The following PIGZ variants were observed in gnomAD, a reference collection of about 807,000 sequenced individuals.
PIGZ encodes phosphatidylinositol glycan anchor biosynthesis class Z (Gwada blood group), also known as GPI alpha-1,2-mannosyltransferase 4.
In PIGZ, 16 loss-of-function variants were observed where a neutral mutation model predicts 16.4. The observed-to-expected ratio is 0.97, with a 90% CI of 0.66 to 1.48. The LOEUF (loss-of-function observed/expected upper bound fraction) is 1.48. Among genes scored for constraint, PIGZ ranks in the 40% most tolerant of loss-of-function variants. PIGZ has a pLI of 0.00. For synonymous variants in PIGZ, 409 were observed against 338.4 expected, an observed-to-expected ratio of 1.21 and a Z score of -2.29; for missense variants, 770 against 739.2, an observed-to-expected ratio of 1.04 and a Z score of -0.48.
At chr3:196,949,031 T>A (rs62411771) in intron 2 of PIGZ, among the ~76,000 whole-genome samples, 1 of 46,482 alleles carries the variant, frequency 2.2e-5, no homozygotes, top group Non-Finnish European at 3.7e-5. Context: ...CTTCCCTTCC[T>A]TCCCTTCCTT....
At chr3:196,952,254 G>C (rs1717318708) in intron 1 of PIGZ, among the ~76,000 whole-genome samples, 1 of 152,158 alleles carries the variant, frequency 6.6e-6, no homozygotes, top group Non-Finnish European at 1.5e-5. Flanking sequence ...TGTACAGATG[G>C]GGAAACGGAG....
chr3:196,964,967 ACTCCACTGCCCTG>A (rs1437161393), intron 1 of PIGZ, among the ~76,000 whole-genome samples: 2 of 151,486 alleles, frequency 1.3e-5, no homozygotes, highest in Admixed American at 6.6e-5. Context: ...GGTCTGTTTG[ACTCCACTGCCCTG>A]CTCCACTGCC....
intron 1 of PIGZ, among the ~76,000 whole-genome samples, chr3:196,967,016 C>A (rs760803406): frequency 6.6e-6 from 1 of 152,000 alleles, no homozygotes; most frequent in East Asian, 1.9e-4. Context: ...AGGGGCATCC[C>A]GCGCGCCTGT....
intron 1 of PIGZ, among the ~76,000 whole-genome samples, chr3:196,956,247 A>G (rs1052364538): frequency 6.6e-6 from 1 of 152,164 alleles, no homozygotes; most frequent in African/African-American, 2.4e-5. Context: ...GACATACCCG[A>G]AACTGGGTAA....
Position 196,947,253 on chromosome 3 carries a change from C to T in PIGZ, c.1644G>A (p.Leu548=), listed in dbSNP as rs1716922743. The change falls in exon 3 of 3, where the codon CTG becomes CTA. Residue 548 remains leucine, a synonymous_variant. Transcript: ENST00000412723. ...ACAGGGCTGGTGGATCCTCCAGGGT[C>T]AGATGGGGAAATAAAAGTGTTTCAT... ...FKNETLLFPH[L]TLEDPPALSS... The T allele has an allele frequency of 6.2e-7, 1 of 1,613,390 alleles. No homozygotes were observed. The highest frequency in any genetic ancestry group is 8.5e-7 in the Non-Finnish European group (1 of 1,179,640).
intron 1 of PIGZ, among the ~76,000 whole-genome samples, chr3:196,961,723 C>T (rs1387546242): frequency 1.3e-5 from 2 of 152,208 alleles, no homozygotes; most frequent in Non-Finnish European, 2.9e-5. Flanking sequence ...CCAGCCATCT[C>T]GTCCAGACAT....
rs1560183772 is a variant in PIGZ at position 196,951,882 on chromosome 3, G to T, written c.150C>A (p.Leu50=). The T allele has an allele frequency of 2.5e-6, 4 of 1,614,146 alleles. No individual in the cohort carries two copies. Among genetic ancestry groups the T allele is most frequent in the Non-Finnish European group, 3.4e-6 (4 of 1,180,030 alleles). ...GLSLLRVLWC[L]LPQTGYVHPD... ...GGTGCACATAGCCCGTCTGCGGAAG[G>T]AGACACCACAGCACTCGGAGCAGGC... Residue 50 remains leucine, a synonymous_variant, in exon 2 of 3, where the codon CTC becomes CTA. Transcript: ENST00000412723.
chr3:196,952,582 C>T (rs966551466), intron 1 of PIGZ, among the ~76,000 whole-genome samples: 1 of 152,152 alleles, frequency 6.6e-6, no homozygotes, highest in Non-Finnish European at 1.5e-5. Flanking sequence ...GGATTACAGG[C>T]ACACGCCACT....
rs1458606993 is a variant in PIGZ at position 196,948,221 on chromosome 3, T to C, written c.676A>G (p.Asn226Asp). ...GCAAAGGCCAGAAAGGTGGGCCGGTTGAAGAAGCCAGCAGCCACAATGCCT... is the reference window on the plus strand; with the variant it reads ...GCAAAGGCCAGAAAGGTGGGCCGGTCGAAGAAGCCAGCAGCCACAATGCCT... The part of the protein sequence containing the change: ...LGGIVAAGFF[N>D]RPTFLAFAVV... Residue 226 changes from asparagine to aspartate, a missense_variant, in exon 3 of 3, where the codon AAC becomes GAC. By Grantham distance (23) the Asn-to-Asp change is conservative. Transcript: ENST00000412723. 2 of 1,614,140 alleles carry C rather than the reference T, an allele frequency of 1.2e-6. No individual in the cohort carries two copies. Among genetic ancestry groups the C allele is most frequent in the South Asian group, 1.1e-5 (1 of 91,080 alleles).
At chr3:196,960,222 G>A (rs1717654888) in intron 1 of PIGZ, among the ~76,000 whole-genome samples, 1 of 152,134 alleles carries the variant, frequency 6.6e-6, no homozygotes, top group Admixed American at 6.6e-5. Flanking sequence ...CCAAATAGAG[G>A]TCATTTTTCA....
intron 1 of PIGZ, among the ~76,000 whole-genome samples, chr3:196,964,760 A>G (rs1717860884): frequency 6.6e-6 from 1 of 151,896 alleles, no homozygotes; most frequent in African/African-American, 2.4e-5. Context: ...TTTTTAAGAC[A>G]GGGTCTCACT....
Position 196,947,166 on chromosome 3 carries a change from T to C in PIGZ, c.1731A>G (p.Glu577=). The change falls in exon 3 of 3, where the codon GAA becomes GAG. Residue 577 remains glutamate (E), a synonymous_variant. Transcript: ENST00000412723. ...GTGCTCTGTCATATTGTCAGGTTTCTTCCCCCAGCTCCACAATGTGAAGAC... is the reference window on the plus strand; with the variant it reads ...GTGCTCTGTCATATTGTCAGGTTTCCTCCCCCAGCTCCACAATGTGAAGAC... The part of the protein sequence containing the change: ...HLSLHIVELG[E]ET 1.3e-6 allele frequency: 2 copies of C among 1,547,670 alleles called. No homozygotes were observed. The highest frequency in any genetic ancestry group is 1.7e-6 in the Non-Finnish European group (2 of 1,145,616).
In PIGZ at chr3:196,951,951, T is replaced by C. The variant is rs774722451; in HGVS notation, c.81A>G (p.Gln27=). Residue 27 remains glutamine (Q), a synonymous_variant, in exon 2 of 3, where the codon CAA becomes CAG. Transcript: ENST00000412723. ...CCCTGACTGCCATCTTCAGATCCAG[T>C]TGTTGCCAACACACCGGGCCCAAAA... ...FQVLGPVCWQ[Q]LDLKMAVRVL... is the part of the protein sequence containing the mutation. 5.6e-6 allele frequency: 9 copies of C among 1,614,042 alleles called. No individual in the cohort carries two copies. The African/African-American group carries it at 6.7e-5, about 12-fold the overall frequency.
At position 196,948,866 on chromosome 3, in the gene PIGZ, C is replaced by T. The variant is rs11714229; in HGVS notation, c.212-181G>A. On this transcript the variant is annotated intron_variant, in intron 2 of 2. Coordinates refer to ENST00000412723, the MANE Select transcript of PIGZ (RefSeq NM_025163.4). ...CTCTCCCTCCTTCTTTCCCTTCCTT[C>T]CCTTCCTTCCTTCCCTTCCTTCCCC... Among the ~76,000 whole-genome samples, 457 of 85,630 alleles carry T rather than the reference C, an allele frequency of 5.3e-3. 5 individuals carry two copies. Among genetic ancestry groups the T allele is most frequent in the Middle Eastern group, 0.014 (2 of 138 alleles). The allele number at this position is 85,630 out of a possible 152,430, so 56.2% of individuals were successfully genotyped here.
intron 1 of PIGZ, among the ~76,000 whole-genome samples, chr3:196,962,781 T>C (rs981422940): frequency 6.6e-6 from 1 of 152,182 alleles, no homozygotes; most frequent in African/African-American, 2.4e-5. Flanking sequence ...ACAGAGTCTT[T>C]TGTTCACATG....
At position 196,951,906 on chromosome 3, in the gene PIGZ, G is replaced by A; in HGVS notation, c.126C>T (p.Ser42=). The A allele has an allele frequency of 6.2e-7, 1 of 1,614,170 alleles. No homozygotes were observed. Among genetic ancestry groups the A allele is most frequent in the Non-Finnish European group, 8.5e-7 (1 of 1,180,040 alleles). ...GGAGACACCACAGCACTCGGAGCAG[G>A]CTGAGACCACCCCAAAGCACCCTGA... ...MAVRVLWGGL[S]LLRVLWCLLP... Residue 42 remains serine (S), a synonymous_variant, in exon 2 of 3, where the codon AGC becomes AGT. Coordinates refer to ENST00000412723, the MANE Select transcript of PIGZ (RefSeq NM_025163.4).
At chr3:196,967,874 C>T (rs1230254396) in intron 1 of PIGZ, among the ~76,000 whole-genome samples, 1 of 152,226 alleles carries the variant, frequency 6.6e-6, no homozygotes, top group Non-Finnish European at 1.5e-5. Context: ...CACCCGCGAC[C>T]TTGCAGTGCG....
chr3:196,962,758 A>G lies in PIGZ; in HGVS notation c.-1+5929T>C, dbSNP rs1460539200. ...ATTCAGGCATAGCACCTTTCCTTAA[A>G]CTTATTTATGACACAGAGTCTTTTG... On this transcript the variant is annotated intron_variant, in intron 1 of 2. Coordinates refer to ENST00000412723, the MANE Select transcript of PIGZ (RefSeq NM_025163.4). Among the ~76,000 whole-genome samples, 3 of 152,114 alleles carry G rather than the reference A, an allele frequency of 2.0e-5. No individual in the cohort carries two copies. The East Asian group carries it at 5.8e-4, about 29-fold the overall frequency.
rs768516681 is a variant in PIGZ at position 196,948,307 on chromosome 3, G to C, written c.590C>G (p.Thr197Arg). The C allele has an allele frequency of 5.9e-5, 96 of 1,614,014 alleles. No homozygotes were observed. The highest frequency in any genetic ancestry group is 7.0e-5 in the Non-Finnish European group (83 of 1,180,028). The change falls in exon 3 of 3, where the codon ACG becomes AGG. Residue 197 changes from threonine (T) to arginine (R), a missense_variant. Physicochemically the swap from Thr to Arg is moderately conservative, Grantham distance 71. Coordinates refer to ENST00000412723, the MANE Select transcript of PIGZ (RefSeq NM_025163.4). ...WLLVLVSSHV[T>R]WGPTRKEPAP... ...CGGCTCCTTGCGTGTAGGGCCCCAC[G>C]TTACATGGGAGGATACCAGCACCAG...
Sources: allele counts gnomAD v4.1 joint callset (sites outside exome capture counted in the v4.1 genomes callset), GRCh38; gene constraint gnomAD v4.1.1; transcripts MANE v1.5; gene names NCBI Gene and HGNC (gene_info 2026-07-23, HGNC 2026-07-21).